SIPA1L3: variants seen among roughly 807,000 people sequenced by gnomAD.
The protein encoded by SIPA1L3 is signal induced proliferation associated 1 like 3.
A neutral mutation model predicts 150.1 loss-of-function variants in SIPA1L3; 59 were observed. The observed-to-expected ratio is 0.39, with a 90% CI of 0.32 to 0.49. The LOEUF is 0.49. Among genes scored for constraint, SIPA1L3 ranks in the 20% least tolerant of loss-of-function variants. The pLI, the probability that SIPA1L3 is intolerant of heterozygous loss-of-function variation, is 0.86. For synonymous variants in SIPA1L3, 1,070 were observed against 1,077.6 expected (o/e 0.99, Z 0.14); for missense variants, 2,211 against 2,489.5 (o/e 0.89, Z 2.38).
At chr19:38,158,928 T>G (rs1181767194) in intron 13 of SIPA1L3, among the ~76,000 whole-genome samples, 2 of 152,120 alleles carry the variant, frequency 1.3e-5, no homozygotes, top group Non-Finnish European at 2.9e-5. Flanking sequence ...GGGGCAGAGG[T>G]CAGCCCAGAG....
intron 13 of SIPA1L3, among the ~76,000 whole-genome samples, chr19:38,159,543 C>A (rs577753827): frequency 2.6e-4 from 40 of 152,360 alleles, no homozygotes; most frequent in Non-Finnish European, 4.4e-4. Flanking sequence ...AACAAGAGCT[C>A]CTGCCCATCG....
intron 8 of SIPA1L3, among the ~76,000 whole-genome samples, chr19:38,114,897 G>A (rs935654262): frequency 6.6e-6 from 1 of 152,236 alleles, no homozygotes; most frequent in Non-Finnish European, 1.5e-5. Context: ...CATGTGCCCT[G>A]TCCTCCCGTC....
At position 38,110,280 on chromosome 19, in the gene SIPA1L3, G is replaced by A. The variant is rs771565898; in HGVS notation, c.2187G>A (p.Glu729=). 3.3e-5 allele frequency: 53 copies of A among 1,614,062 alleles called. No homozygotes were observed. The highest frequency in any genetic ancestry group is 4.2e-5 in the Non-Finnish European group (49 of 1,180,022). ...ACATCGTGACGATCATCTTCCAGGAGCCTGGCGCGCTACCGTTCACCCCCA... is the reference window on the plus strand; with the variant it reads ...ACATCGTGACGATCATCTTCCAGGAACCTGGCGCGCTACCGTTCACCCCCA... ...GNDIVTIIFQ[E]PGALPFTPKN... is the part of the protein sequence containing the mutation. The change falls in exon 8 of 22, where the codon GAG becomes GAA. Residue 729 remains glutamate (E), a synonymous_variant. Coordinates refer to ENST00000222345, the MANE Select transcript of SIPA1L3 (RefSeq NM_015073.3).
chr19:38,168,644 C>T (rs975707887), intron 15 of SIPA1L3, among the ~76,000 whole-genome samples: 1 of 152,020 alleles, frequency 6.6e-6, no homozygotes, highest in Non-Finnish European at 1.5e-5. Flanking sequence ...GATTTGAAAT[C>T]CGAGACATAA....
At position 38,206,299 on chromosome 19, in the gene SIPA1L3, T is replaced by C; in HGVS notation, c.*59T>C. On this transcript the variant is annotated 3_prime_UTR_variant, in exon 22 of 22. Transcript: ENST00000222345. Reference sequence around the variant, plus strand: ...CCTCAGGCCGTGGCCCTGCTGCCTCTCTCCCTCCACTCAGCTCCCAGCTGC... The same window carrying C: ...CCTCAGGCCGTGGCCCTGCTGCCTCCCTCCCTCCACTCAGCTCCCAGCTGC... The C allele has an allele frequency of 6.7e-7, 1 of 1,487,394 alleles. No individual in the cohort carries two copies. The highest frequency in any genetic ancestry group is 9.0e-7 in the Non-Finnish European group (1 of 1,110,184). The allele number at this position is 1,487,394 out of a possible 1,614,324, so 92.1% of individuals were successfully genotyped here. A position where few individuals can be genotyped will look rare whatever the true frequency, so the allele number is the denominator to read the frequency against.
intron 15 of SIPA1L3, among the ~76,000 whole-genome samples, chr19:38,175,179 TGCTACGGCG>T (rs1398119215): frequency 2.0e-5 from 3 of 152,108 alleles, no homozygotes; most frequent in Non-Finnish European, 4.4e-5. Context: ...GTCTCGGGGT[TGCTACGGCG>T]GCTAAGTGAG....
chr19:38,031,145 A>G (rs1968645913), intron 2 of SIPA1L3, among the ~76,000 whole-genome samples: 1 of 152,140 alleles, frequency 6.6e-6, no homozygotes, highest in South Asian at 2.1e-4. Context: ...TTTTGAAGTG[A>G]TTTTAGAGTT....
intron 1 of SIPA1L3, among the ~76,000 whole-genome samples, chr19:37,960,834 A>G (rs1033092844): frequency 1.3e-5 from 2 of 151,780 alleles, no homozygotes; most frequent in Non-Finnish European, 2.9e-5. Flanking sequence ...GATTACAGGC[A>G]TGAGCAACTG....
intron 1 of SIPA1L3, among the ~76,000 whole-genome samples, chr19:37,988,688 ATAAG>A (rs1967423520): frequency 6.6e-6 from 1 of 152,190 alleles, no homozygotes; most frequent in East Asian, 1.9e-4. Flanking sequence ...AAATAAATAA[ATAAG>A]TAATACATAA....
intron 1 of SIPA1L3, among the ~76,000 whole-genome samples, chr19:37,999,606 C>T (rs954496415): frequency 2.0e-5 from 3 of 152,144 alleles, no homozygotes; most frequent in Admixed American, 6.5e-5. Flanking sequence ...TCAGTCCGGG[C>T]GGGCGATCCA....
At chr19:37,991,964 A>G (rs1967519508) in intron 1 of SIPA1L3, among the ~76,000 whole-genome samples, 1 of 152,082 alleles carries the variant, frequency 6.6e-6, no homozygotes, top group Non-Finnish European at 1.5e-5. Context: ...TCATTTTTCA[A>G]ATACCTGCCT....
At chr19:38,171,479 G>T (rs1187476507) in intron 15 of SIPA1L3, among the ~76,000 whole-genome samples, 4 of 139,756 alleles carry the variant, frequency 2.9e-5, no homozygotes, top group African/African-American at 1.1e-4. Context: ...TGCAACCTCT[G>T]CCTCCCAGGT....
rs766414422 is a variant in SIPA1L3 at position 38,206,254 on chromosome 19, C to G, written c.*14C>G. On this transcript the variant is annotated 3_prime_UTR_variant, in exon 22 of 22. Coordinates refer to ENST00000222345, the MANE Select transcript of SIPA1L3 (RefSeq NM_015073.3). ...AAGGAGCTCTGAGGTGGGAGGCCGC[C>G]GCCCGCCTTCGCTCCTTCCCCTCAG... The G allele has an allele frequency of 6.5e-7, 1 of 1,532,392 alleles. No individual in the cohort carries two copies. The highest frequency in any genetic ancestry group is 2.5e-5 in the East Asian group (1 of 40,690). 94.9% of individuals were successfully genotyped at this position (1,532,392 alleles called of 1,614,324 possible).
At chr19:38,076,756 G>A (rs1169375527) in intron 2 of SIPA1L3, among the ~76,000 whole-genome samples, 1 of 152,160 alleles carries the variant, frequency 6.6e-6, no homozygotes, top group African/African-American at 2.4e-5. Flanking sequence ...AGCTGCAGTT[G>A]CCCGCCATTT....
chr19:38,181,741 G>A (rs1245148389), intron 15 of SIPA1L3, among the ~76,000 whole-genome samples: 3 of 151,756 alleles, frequency 2.0e-5, no homozygotes, highest in Non-Finnish European at 2.9e-5. Flanking sequence ...AGCTACTGGG[G>A]AGGTTGAAGC....
chr19:38,027,099 C>T (rs773958397), intron 1 of SIPA1L3, among the ~76,000 whole-genome samples: 11 of 152,080 alleles, frequency 7.2e-5, no homozygotes, highest in Non-Finnish European at 1.5e-5. Flanking sequence ...TGAGACCAGC[C>T]CAGACAACGT....
chr19:37,990,122 T>C (rs1967466128), intron 1 of SIPA1L3, among the ~76,000 whole-genome samples: 1 of 152,120 alleles, frequency 6.6e-6, no homozygotes. Flanking sequence ...GGTCAGCTCC[T>C]GTTTCTGCCC....
chr19:38,059,100 A>G (rs1969392503), intron 2 of SIPA1L3, among the ~76,000 whole-genome samples: 1 of 151,114 alleles, frequency 6.6e-6, no homozygotes, highest in Non-Finnish European at 1.5e-5. Context: ...ATCATAGCTC[A>G]AGTGATCCTC....
rs58788182 is a variant in SIPA1L3, at chr19:38,077,661, C to CTTTTTTTTTTT, written c.-310-3578_-310-3568dup. 7.2e-3 allele frequency among the ~76,000 whole-genome samples: 461 copies of CTTTTTTTTTTT among 64,346 alleles called. 37 individuals are homozygous for CTTTTTTTTTTT. Among genetic ancestry groups the CTTTTTTTTTTT allele is most frequent in the Middle Eastern group, 0.013 (1 of 78 alleles). The allele number at this position is 64,346 out of a possible 152,430, so 42.2% of individuals were successfully genotyped here. A position where few individuals can be genotyped will look rare whatever the true frequency, so the allele number is the denominator to read the frequency against. ...TTTTTTCTTTTTTCTTTTTCTTTTT[C>CTTTTTTTTTTT]TTTTTTTTTTTTTTTTTTTTTTTTT... On this transcript the variant is annotated intron_variant, in intron 2 of 21. Coordinates refer to ENST00000222345, the MANE Select transcript of SIPA1L3 (RefSeq NM_015073.3).
Sources: gnomAD v4.1 joint callset for allele counts (sites outside exome capture counted in the v4.1 genomes callset) on GRCh38, gnomAD v4.1.1 for gene constraint, MANE v1.5 for transcripts, NCBI Gene and HGNC (gene_info 2026-07-23, HGNC 2026-07-21) for gene names.